The following SLC41A2 variants were observed in gnomAD, a reference collection of about 807,000 sequenced individuals.
The protein encoded by SLC41A2 is solute carrier family 41 member 2.
A neutral mutation model predicts 58.3 loss-of-function variants in SLC41A2; 32 were observed. The ratio of observed to expected loss-of-function variants is 0.55; its 90% CI spans 0.41 to 0.74. The LOEUF (loss-of-function observed/expected upper bound fraction) is 0.74, where lower values mean the gene tolerates loss of function less well. SLC41A2 is among the 30% of genes least tolerant of loss of function. The pLI, the probability that SLC41A2 is intolerant of heterozygous loss-of-function variation, is 0.00. For synonymous variants in SLC41A2, 190 were observed against 235.0 expected, an observed-to-expected ratio of 0.81 and a Z score of 1.75; for missense variants, 514 against 680.6, an observed-to-expected ratio of 0.76 and a Z score of 2.72.
chr12:104,851,066 A>G (rs1327049779), intron 8 of SLC41A2, among the ~76,000 whole-genome samples: 1 of 152,208 alleles, frequency 6.6e-6, no homozygotes, highest in African/African-American at 2.4e-5. Context: ...AAATAAGGAT[A>G]ATACCTATCT....
Position 104,886,362 on chromosome 12 carries a change from C to T in SLC41A2, c.958G>A (p.Ala320Thr), listed in dbSNP as rs1453472339. ...NPDNVATPIA[A>T]SFGDLITLAI... is the part of the protein sequence containing the mutation. ...AGAGTTATAAGGTCGCCAAAACTAG[C>T]AGCAATGGGTGTAGCAACATTATCA... Residue 320 changes from alanine (A) to threonine (T), a missense_variant, in exon 6 of 11, where the codon GCT (alanine) becomes ACT (threonine). Physicochemically the swap from Ala to Thr is moderately conservative, Grantham distance 58 (BLOSUM62 0). Around this residue, in one of 3 missense-constraint regions of SLC41A2, gnomAD observed 336 missense variants for 430.0 expected, o/e 0.78. Transcript: ENST00000258538. 6.2e-7 allele frequency: 1 copy of T among 1,613,670 alleles called. No individual in the cohort carries two copies. The highest frequency in any genetic ancestry group is 8.5e-7 in the Non-Finnish European group (1 of 1,179,656).
chr12:104,865,778 A>T (rs1375390243), intron 7 of SLC41A2, among the ~76,000 whole-genome samples: 2 of 152,198 alleles, frequency 1.3e-5, no homozygotes, highest in Non-Finnish European at 2.9e-5. Flanking sequence ...TCTTCTCATC[A>T]GATGTATCAT....
intron 7 of SLC41A2, among the ~76,000 whole-genome samples, chr12:104,862,380 A>C (rs1375444228): frequency 6.6e-6 from 1 of 152,206 alleles, no homozygotes; most frequent in Non-Finnish European, 1.5e-5. Flanking sequence ...TTAAGCCCTA[A>C]TTAAAAGAAT....
chr12:104,928,810 G>A (rs2046948941), intron 1 of SLC41A2, 116 bp from the exon 2 acceptor site: 2 of 238,616 alleles, frequency 8.4e-6, no homozygotes, highest in African/African-American at 2.2e-5. Context: ...CCAACCCTAC[G>A]GTACTGATAC....
chr12:104,807,879 T>A (rs1450367514), intron 10 of SLC41A2, among the ~76,000 whole-genome samples: 1 of 152,126 alleles, frequency 6.6e-6, no homozygotes, highest in Non-Finnish European at 1.5e-5. Context: ...CTGTTATTGG[T>A]GTATAAGAAT....
rs1301194042 is a variant in SLC41A2, at chr12:104,916,505, C to T, written c.556-6743G>A. Among the ~76,000 whole-genome samples the T allele has an allele frequency of 7.9e-5, 12 of 152,144 alleles. No homozygotes were observed. The East Asian group carries it at 1.7e-3, about 22-fold the overall frequency. On this transcript the variant is annotated intron_variant, in intron 2 of 10. Coordinates refer to ENST00000258538, the MANE Select transcript of SLC41A2 (RefSeq NM_001352171.3). ...GTTCATATGGAACCAAAAAAGAGCC[C>T]GCATCGCCAAGTCAATCCTAAGCCA...
intron 6 of SLC41A2, among the ~76,000 whole-genome samples, chr12:104,872,240 G>C (rs1179210614): frequency 3.9e-5 from 6 of 152,162 alleles, no homozygotes; most frequent in Non-Finnish European, 8.8e-5. Flanking sequence ...CTAAATACCA[G>C]GGTAAAAACT....
chr12:104,944,555 C>T (rs1322259766), intron 1 of SLC41A2, among the ~76,000 whole-genome samples: 1 of 152,190 alleles, frequency 6.6e-6, no homozygotes, highest in African/African-American at 2.4e-5. Context: ...GTTCTTTACT[C>T]CTGCAATCAA....
chr12:104,938,152 A>G (rs116636427), intron 1 of SLC41A2, among the ~76,000 whole-genome samples: 2 of 152,192 alleles, frequency 1.3e-5, no homozygotes, highest in Non-Finnish European at 2.9e-5. Context: ...AAATTGTGGC[A>G]TATCTATACA....
intron 10 of SLC41A2, among the ~76,000 whole-genome samples, chr12:104,807,282 A>G (rs1170691847): frequency 6.6e-6 from 1 of 152,194 alleles, no homozygotes; most frequent in African/African-American, 2.4e-5. Context: ...CCTTCTACAT[A>G]TGGCTAGCCA....
intron 4 of SLC41A2, among the ~76,000 whole-genome samples, chr12:104,892,684 A>C (rs2045071351): frequency 6.6e-6 from 1 of 152,118 alleles, no homozygotes; most frequent in African/African-American, 2.4e-5. Context: ...AGAATAGAGA[A>C]ACCAGAAACA....
intron 2 of SLC41A2, among the ~76,000 whole-genome samples, chr12:104,921,590 G>T (rs775821748): frequency 2.7e-5 from 4 of 150,708 alleles, no homozygotes; most frequent in African/African-American, 7.3e-5. Flanking sequence ...AGCACCTCTA[G>T]TTTTGTCTTA....
chr12:104,909,681 T>C lies in SLC41A2; in HGVS notation c.637A>G (p.Thr213Ala). The C allele has an allele frequency of 6.2e-7, 1 of 1,610,610 alleles. No homozygotes were observed. Among genetic ancestry groups the C allele is most frequent in the Non-Finnish European group, 8.5e-7 (1 of 1,179,000 alleles). ...GCAGTGGATAATCTGGATGCCAATG[T>C]CATTTCCAAGTTCCCTTTGAGACCA... is the stretch of plus-strand genomic sequence containing the variant. Reference protein sequence around the residue: ...LLGLKGNLEMTLASRLSTAVN... With the variant: ...LLGLKGNLEMALASRLSTAVN... The change falls in exon 3 of 11, where the codon ACA (threonine) becomes GCA (alanine). Residue 213 changes from threonine to alanine, a missense_variant. By Grantham distance (58) the Thr-to-Ala change is moderately conservative (BLOSUM62 0). Around this residue, in one of 3 missense-constraint regions of SLC41A2, gnomAD observed 336 missense variants for 430.0 expected, o/e 0.78. Transcript: ENST00000258538.
At chr12:104,947,194 CCTTTTT>C (rs1285308704) in intron 1 of SLC41A2, among the ~76,000 whole-genome samples, 2 of 53,668 alleles carry the variant, frequency 3.7e-5, no homozygotes, top group Non-Finnish European at 3.6e-5. Flanking sequence ...TTATTTTTGT[CCTTTTT>C]TTTTTTTTTT....
intron 2 of SLC41A2, among the ~76,000 whole-genome samples, chr12:104,925,436 T>C (rs1032464747): frequency 2.0e-5 from 3 of 152,042 alleles, no homozygotes; most frequent in Non-Finnish European, 4.4e-5. Flanking sequence ...CGGGCGCCTG[T>C]AGTCCCAGCT....
At chr12:104,865,324 T>C (rs2043389272) in intron 7 of SLC41A2, among the ~76,000 whole-genome samples, 1 of 152,306 alleles carries the variant, frequency 6.6e-6, no homozygotes, top group East Asian at 1.9e-4. Flanking sequence ...TTTCTGAATC[T>C]AGAACCTCTC....
intron 2 of SLC41A2, among the ~76,000 whole-genome samples, chr12:104,916,687 G>A (rs1433552961): frequency 1.3e-5 from 2 of 152,148 alleles, no homozygotes; most frequent in Non-Finnish European, 2.9e-5. Flanking sequence ...ACAACTATCT[G>A]ATCTTTGACA....
intron 6 of SLC41A2, among the ~76,000 whole-genome samples, chr12:104,883,103 G>T (rs2044467510): frequency 6.6e-6 from 1 of 151,974 alleles, no homozygotes; most frequent in Non-Finnish European, 1.5e-5. Context: ...TCTTCCACTT[G>T]ATCAAATCGG....
At chr12:104,942,112 T>C (rs1452494465) in intron 1 of SLC41A2, among the ~76,000 whole-genome samples, 1 of 152,156 alleles carries the variant, frequency 6.6e-6, no homozygotes, top group Admixed American at 6.5e-5. Flanking sequence ...TTATTCCCCC[T>C]ACTCTGTCTT....
Sources: gnomAD v4.1 joint callset for allele counts (sites outside exome capture counted in the v4.1 genomes callset) on GRCh38, gnomAD v4.1.1 for gene constraint, gnomAD v4.1.1 regional missense constraint, MANE v1.5 for transcripts, NCBI Gene and HGNC (gene_info 2026-07-23, HGNC 2026-07-21) for gene names.